Variants in LHFPL6 observed in about 807,000 individuals in gnomAD.
LHFPL6 encodes the protein LHFPL tetraspan subfamily member 6 protein.
In LHFPL6, 9 loss-of-function variants were observed where a neutral mutation model predicts 20.6. The observed-to-expected ratio is 0.44, with a 90% CI of 0.26 to 0.76. The LOEUF is 0.76. LHFPL6 is among the 30% of genes least tolerant of loss of function. The pLI, the probability that LHFPL6 is intolerant of heterozygous loss-of-function variation, is 0.20. For missense variants in LHFPL6, 218 were observed against 253.5 expected (o/e 0.86, Z 0.95); for synonymous variants, 105 against 98.7 (o/e 1.06, Z -0.38).
chr13:39,447,272 G>A lies in LHFPL6; in HGVS notation c.386-68746C>T, dbSNP rs112503974. Among the ~76,000 whole-genome samples, 339 of 152,260 alleles carry A rather than the reference G, an allele frequency of 2.2e-3. 1 individual carries two copies. Among genetic ancestry groups the A allele is most frequent in the African/African-American group, 7.4e-3 (308 of 41,554 alleles). On this transcript the variant is annotated intron_variant, in intron 2 of 3. Transcript: ENST00000379589. ...TAGTACAGTGCAGACTCTCTTGAGT[G>A]TCCCCAAATAGATGAAATTATAAGG...
intron 3 of LHFPL6, among the ~76,000 whole-genome samples, chr13:39,359,144 G>A (rs1869810746): frequency 6.6e-6 from 1 of 152,196 alleles, no homozygotes; most frequent in Non-Finnish European, 1.5e-5. Context: ...CTCGGTAACA[G>A]AGTGAGACTC....
intron 2 of LHFPL6, among the ~76,000 whole-genome samples, chr13:39,574,503 T>A (rs1044355364): frequency 1.3e-5 from 2 of 151,252 alleles, no homozygotes; most frequent in African/African-American, 4.9e-5. Context: ...AAAAAAAAGA[T>A]TACAAATAAA....
At chr13:39,545,031 AG>A (rs1870934556) in intron 2 of LHFPL6, among the ~76,000 whole-genome samples, 1 of 151,730 alleles carries the variant, frequency 6.6e-6, no homozygotes, top group African/African-American at 2.4e-5. Context: ...TCACGAGGTC[AG>A]GAGATCGAGA....
At chr13:39,505,354 C>T (rs957385781) in intron 2 of LHFPL6, among the ~76,000 whole-genome samples, 2 of 152,286 alleles carry the variant, frequency 1.3e-5, no homozygotes, top group Non-Finnish European at 2.9e-5. Flanking sequence ...AATCTGTCAA[C>T]TCAAACATTC....
At chr13:39,543,697 G>A (rs1464850066) in intron 2 of LHFPL6, among the ~76,000 whole-genome samples, 1 of 152,122 alleles carries the variant, frequency 6.6e-6, no homozygotes, top group African/African-American at 2.4e-5. Context: ...GCTGGATTGG[G>A]AGTCAAGAGA....
rs1423631915 is a variant in LHFPL6, at chr13:39,591,867, G to A, written c.385+8965C>T. Among the ~76,000 whole-genome samples, 7 of 152,058 alleles carry A rather than the reference G, an allele frequency of 4.6e-5. No individual in the cohort carries two copies. The East Asian group carries it at 5.8e-4, about 13-fold the overall frequency. On this transcript the variant is annotated intron_variant, in intron 2 of 3. Transcript: ENST00000379589. ...TCCCAGCACTTTGGGAGACTGAGGC[G>A]GGTGGATTACCTAAAGTCAGGAGTT...
intron 3 of LHFPL6, among the ~76,000 whole-genome samples, chr13:39,367,924 G>C (rs577980288): frequency 6.6e-6 from 1 of 152,314 alleles, no homozygotes; most frequent in South Asian, 2.1e-4. Flanking sequence ...AGCTTACTTA[G>C]CCAGATATCA....
At chr13:39,350,509 A>C (rs1007429401) in intron 3 of LHFPL6, among the ~76,000 whole-genome samples, 13 of 152,256 alleles carry the variant, frequency 8.5e-5, no homozygotes, top group African/African-American at 3.1e-4. Context: ...CAGGAAATAC[A>C]GGGCCATTCT....
intron 2 of LHFPL6, among the ~76,000 whole-genome samples, chr13:39,390,369 A>G (rs867672923): frequency 3.9e-5 from 6 of 152,096 alleles, no homozygotes; most frequent in Middle Eastern, 3.4e-3. Context: ...GTGGTGGTAC[A>G]TGCCTGTAGT....
At chr13:39,583,549 T>C (rs568107984) in intron 2 of LHFPL6, among the ~76,000 whole-genome samples, 1 of 152,266 alleles carries the variant, frequency 6.6e-6, no homozygotes, top group South Asian at 2.1e-4. Context: ...ATTCAAATAA[T>C]ATGTAGAGAA....
intron 3 of LHFPL6, among the ~76,000 whole-genome samples, chr13:39,349,886 T>G (rs188212578): frequency 2.0e-4 from 30 of 152,270 alleles, no homozygotes; most frequent in Admixed American, 5.9e-4. Flanking sequence ...AAAGTATTGC[T>G]CAAGTAAGAG....
intron 2 of LHFPL6, among the ~76,000 whole-genome samples, chr13:39,380,510 G>GTTT (rs56370946): frequency 6.0e-5 from 8 of 133,548 alleles, no homozygotes; most frequent in South Asian, 2.4e-4. Context: ...GGTGGCATCA[G>GTTT]TTTTTTTTTT....
intron 2 of LHFPL6, among the ~76,000 whole-genome samples, chr13:39,415,723 A>G (rs592853): frequency 0.99 from 151,520 of 152,312 alleles, 75,374 homozygotes; most frequent in Middle Eastern, 1. Context: ...AAGGATTAAT[A>G]AATGCATAAA....
intron 2 of LHFPL6, among the ~76,000 whole-genome samples, chr13:39,382,535 G>A (rs758268942): frequency 1.3e-4 from 19 of 151,930 alleles, no homozygotes; most frequent in Admixed American, 9.2e-4. Context: ...GATTACAGGC[G>A]CGTACCCCCA....
At chr13:39,479,080 T>TAGATAGATAGATAGAC (rs1176670723) in intron 2 of LHFPL6, among the ~76,000 whole-genome samples, 7 of 147,246 alleles carry the variant, frequency 4.8e-5, no homozygotes, top group African/African-American at 1.8e-4. Context: ...GATAGATAGA[T>TAGATAGATAGATAGAC]AGACAGACAT....
At chr13:39,425,417 T>C (rs1208822301) in intron 2 of LHFPL6, among the ~76,000 whole-genome samples, 1 of 152,228 alleles carries the variant, frequency 6.6e-6, no homozygotes, top group Non-Finnish European at 1.5e-5. Flanking sequence ...TATTTCCTTT[T>C]CTTATGGGAT....
At chr13:39,545,892 G>A (rs1870966761) in intron 2 of LHFPL6, among the ~76,000 whole-genome samples, 1 of 152,046 alleles carries the variant, frequency 6.6e-6, no homozygotes, top group African/African-American at 2.4e-5. Flanking sequence ...TCAACATAGT[G>A]AGGCTGCTTC....
At chr13:39,345,591 C>A (rs1869380500) in intron 3 of LHFPL6, among the ~76,000 whole-genome samples, 1 of 149,842 alleles carries the variant, frequency 6.7e-6, no homozygotes, top group African/African-American at 2.5e-5. Context: ...AGGAAAACAG[C>A]CTGTTGCTTG....
At chr13:39,448,523 GTA>G (rs1872354317) in intron 2 of LHFPL6, among the ~76,000 whole-genome samples, 1 of 152,148 alleles carries the variant, frequency 6.6e-6, no homozygotes, top group Non-Finnish European at 1.5e-5. Context: ...CATCATTTTT[GTA>G]TCTCTACTTT....
Sources: gnomAD v4.1 joint callset for allele counts (sites outside exome capture counted in the v4.1 genomes callset) on GRCh38, gnomAD v4.1.1 for gene constraint, MANE v1.5 for transcripts, NCBI Gene and HGNC (gene_info 2026-07-23, HGNC 2026-07-21) for gene names.